Variants in CAPSL observed in about 807,000 individuals in gnomAD.
CAPSL encodes calcyphosin-like protein.
Under a neutral mutation model 21.3 loss-of-function variants are expected in CAPSL, and 17 were observed. The ratio of observed to expected loss-of-function variants is 0.80; its 90% CI spans 0.55 to 1.20. The LOEUF (loss-of-function observed/expected upper bound fraction) is 1.20. Ranked by LOEUF, CAPSL falls within the 50% of genes most tolerant of loss-of-function variation. The pLI is 0.00. For missense variants in CAPSL, 289 were observed against 259.3 expected (o/e 1.11, Z -0.79); for synonymous variants, 102 against 89.3 (o/e 1.14, Z -0.80).
At chr5:35,916,870 C>G (rs149251247) in intron 2 of CAPSL, among the ~76,000 whole-genome samples, 3,231 of 152,250 alleles carry the variant, frequency 0.021, 114 homozygotes, top group African/African-American at 0.074. Flanking sequence ...CAAATGGCAT[C>G]TAATTAAACT....
chr5:35,926,928 C>A (rs1260604478), intron 1 of CAPSL, among the ~76,000 whole-genome samples: 4 of 152,224 alleles, frequency 2.6e-5, no homozygotes, highest in Admixed American at 1.3e-4. Flanking sequence ...GAAAGGGAAC[C>A]GAAGCAGGTT....
chr5:35,923,314 C>A (rs1738586570), intron 1 of CAPSL, among the ~76,000 whole-genome samples: 2 of 152,160 alleles, frequency 1.3e-5, no homozygotes, highest in Non-Finnish European at 2.9e-5. Flanking sequence ...CCCAGTGGGA[C>A]CCTCTTTGCA....
chr5:35,912,484 C>A (rs995034563), intron 2 of CAPSL, among the ~76,000 whole-genome samples: 2 of 152,182 alleles, frequency 1.3e-5, no homozygotes, highest in African/African-American at 4.8e-5. Flanking sequence ...TGACACCTCA[C>A]ACGGCCAGGT....
intron 4 of CAPSL, among the ~76,000 whole-genome samples, chr5:35,905,787 T>C (rs1760660233): frequency 1.3e-5 from 2 of 152,326 alleles, no homozygotes; most frequent in East Asian, 1.9e-4. Flanking sequence ...TCCAGGGAAA[T>C]GTTTATCAGT....
At chr5:35,922,291 G>C (rs950674026) in intron 1 of CAPSL, among the ~76,000 whole-genome samples, 3 of 152,052 alleles carry the variant, frequency 2.0e-5, no homozygotes, top group African/African-American at 7.2e-5. Context: ...TTTGACTTTT[G>C]GGAAAGGGAA....
Position 35,904,450 on chromosome 5 carries a change from G to A in CAPSL, c.*95C>T. The A allele has an allele frequency of 2.5e-5, 22 of 882,340 alleles. 1 individual carries two copies. The South Asian group carries it at 3.4e-4, about 13-fold the overall frequency. 54.7% of individuals were successfully genotyped at this position (882,340 alleles called of 1,614,324 possible). On this transcript the variant is annotated 3_prime_UTR_variant, in exon 5 of 5. Coordinates refer to ENST00000651391, the MANE Select transcript of CAPSL (RefSeq NM_001042625.2). ...TTGACACAGAAAAAAACATTAGGAT[G>A]AGTGTGAAATCAAATACGATTCTGG...
At chr5:35,915,963 C>G (rs1349788278) in intron 2 of CAPSL, among the ~76,000 whole-genome samples, 1 of 152,016 alleles carries the variant, frequency 6.6e-6, no homozygotes, top group Admixed American at 6.6e-5. Flanking sequence ...TCTAGAAAAC[C>G]CCATCGTCTC....
chr5:35,904,429 C>G lies in CAPSL; in HGVS notation c.*116G>C, dbSNP rs984306133. 5 of 787,788 alleles carry G rather than the reference C, an allele frequency of 6.3e-6. No individual in the cohort carries two copies. The African/African-American group carries it at 8.8e-5, about 14-fold the overall frequency. 48.8% of individuals were successfully genotyped at this position (787,788 alleles called of 1,614,324 possible). A position where few individuals can be genotyped will look rare whatever the true frequency, so the allele number is the denominator to read the frequency against. ...GGCCCCAGAAAATGCAATATTTTGACACAGAAAAAAACATTAGGATGAGTG... is the reference window on the plus strand; with the variant it reads ...GGCCCCAGAAAATGCAATATTTTGAGACAGAAAAAAACATTAGGATGAGTG... On this transcript the variant is annotated 3_prime_UTR_variant, in exon 5 of 5. Transcript: ENST00000651391.
At chr5:35,909,838 T>A (rs1461194164) in intron 4 of CAPSL, 28 bp downstream of exon 4, 1 of 1,566,124 alleles carries the variant, frequency 6.4e-7, no homozygotes, top group Non-Finnish European at 8.6e-7. Context: ...TTGAAGAAAT[T>A]TCCCCTAGAT....
chr5:35,904,514 T>A lies in CAPSL; in HGVS notation c.*31A>T, dbSNP rs772075605. ...ATTTAGTCATTTGGAGCCACATGGC[T>A]GTCCCAGGGCCTGGTCCCCAGGTCA... On this transcript the variant is annotated 3_prime_UTR_variant, in exon 5 of 5. Coordinates refer to ENST00000651391, the MANE Select transcript of CAPSL (RefSeq NM_001042625.2). 2.7e-6 allele frequency: 4 copies of A among 1,506,150 alleles called. No individual in the cohort carries two copies. Among genetic ancestry groups the A allele is most frequent in the South Asian group, 1.1e-5 (1 of 87,108 alleles). 93.3% of individuals were successfully genotyped at this position (1,506,150 alleles called of 1,614,324 possible).
chr5:35,916,561 A>G lies in CAPSL; in HGVS notation c.137+4423T>C, dbSNP rs571033788. Reference sequence around the variant, plus strand: ...ACAGAGCCCTCAGAAATAATGCCACATATCTACAACTATCTGATCTTTGAC... The same window carrying G: ...ACAGAGCCCTCAGAAATAATGCCACGTATCTACAACTATCTGATCTTTGAC... On this transcript the variant is annotated intron_variant, in intron 2 of 4. Coordinates refer to ENST00000651391, the MANE Select transcript of CAPSL (RefSeq NM_001042625.2). Among the ~76,000 whole-genome samples the G allele has an allele frequency of 3.8e-3, 572 of 152,260 alleles. 2 individuals are homozygous for G. The highest frequency in any genetic ancestry group is 4.7e-3 in the Non-Finnish European group (317 of 68,006).
At chr5:35,919,266 G>A (rs1307190871) in intron 2 of CAPSL, among the ~76,000 whole-genome samples, 2 of 151,198 alleles carry the variant, frequency 1.3e-5, no homozygotes, top group East Asian at 1.9e-4. Flanking sequence ...AGGTACAGAT[G>A]TGCTAACTCA....
intron 3 of CAPSL, 83 bp from the exon 4 acceptor site, chr5:35,910,158 C>A: frequency 8.3e-7 from 1 of 1,203,210 alleles, no homozygotes; most frequent in Non-Finnish European, 1.2e-6. Context: ...ATATCTCATT[C>A]CCCTCAACGA....
At chr5:35,919,814 T>C (rs6894390) in intron 2 of CAPSL, among the ~76,000 whole-genome samples, 151,312 of 152,264 alleles carry the variant, frequency 0.99, 75,192 homozygotes, top group South Asian at 1. Flanking sequence ...GTCCATTGAC[T>C]GTAGACTGGT....
intron 3 of CAPSL, 48 bp from the exon 4 acceptor site, chr5:35,910,123 C>T (rs751398372): frequency 5.8e-5 from 85 of 1,469,104 alleles, no homozygotes; most frequent in Non-Finnish European, 7.3e-5. Flanking sequence ...AGCAAATGAG[C>T]TTTTTTGGTA....
intron 2 of CAPSL, among the ~76,000 whole-genome samples, chr5:35,915,294 G>A (rs1215334693): frequency 6.6e-6 from 1 of 152,142 alleles, no homozygotes; most frequent in Non-Finnish European, 1.5e-5. Context: ...AGGAGGAACT[G>A]GTACCATTCC....
At chr5:35,916,094 G>A (rs1738377930) in intron 2 of CAPSL, among the ~76,000 whole-genome samples, 1 of 152,132 alleles carries the variant, frequency 6.6e-6, no homozygotes, top group African/African-American at 2.4e-5. Context: ...GGCAAATCAT[G>A]AGTGAACTCC....
At chr5:35,911,903 A>C (rs1052287284) in intron 2 of CAPSL, among the ~76,000 whole-genome samples, 1 of 152,196 alleles carries the variant, frequency 6.6e-6, no homozygotes, top group African/African-American at 2.4e-5. Context: ...GAGCTGAAGC[A>C]GGGCAAGGCA....
intron 1 of CAPSL, among the ~76,000 whole-genome samples, chr5:35,924,841 A>T (rs1429888117): frequency 6.6e-6 from 1 of 152,228 alleles, no homozygotes. Flanking sequence ...TAAGGAAGGC[A>T]GGATTGCACA....
Sources: gnomAD v4.1 joint callset for allele counts (sites outside exome capture counted in the v4.1 genomes callset) on GRCh38, gnomAD v4.1.1 for gene constraint, MANE v1.5 for transcripts, NCBI Gene and HGNC (gene_info 2026-07-23, HGNC 2026-07-21) for gene names.